Variants in NDFIP2 observed in about 807,000 individuals in gnomAD.
NDFIP2 encodes the protein NEDD4 family-interacting protein 2.
Under a neutral mutation model 36.0 loss-of-function variants are expected in NDFIP2, and 19 were observed. The ratio of observed to expected loss-of-function variants is 0.53; its 90% CI spans 0.37 to 0.77. The LOEUF (loss-of-function observed/expected upper bound fraction) is 0.77, where lower values mean the gene tolerates loss of function less well. NDFIP2 is among the 30% of genes least tolerant of loss of function. NDFIP2 has a pLI of 0.00. For synonymous variants in NDFIP2, 181 were observed against 167.7 expected, an observed-to-expected ratio of 1.08 and a Z score of -0.61; for missense variants, 446 against 435.8, an observed-to-expected ratio of 1.02 and a Z score of -0.21.
At chr13:79,501,818 GTTGAGGGAAGAATGAAACTTTCCA>G (rs1249949190) in intron 1 of NDFIP2, among the ~76,000 whole-genome samples, 1 of 152,074 alleles carries the variant, frequency 6.6e-6, no homozygotes, top group Non-Finnish European at 1.5e-5. Context: ...CTCTGAGTTT[GTTGAGGGAAGAATGAAACTTTCCA>G]TGAAGGAAGT....
At chr13:79,500,166 CAA>C (rs771690443) in intron 1 of NDFIP2, among the ~76,000 whole-genome samples, 41 of 75,984 alleles carry the variant, frequency 5.4e-4, no homozygotes, top group Non-Finnish European at 5.4e-4. Flanking sequence ...GATCCCCATG[CAA>C]AAAAAAAAAA....
In NDFIP2 at chr13:79,491,405, T is replaced by G. The variant is rs187723909; in HGVS notation, c.321+9881T>G. Among the ~76,000 whole-genome samples, 478 of 151,854 alleles carry G rather than the reference T, an allele frequency of 3.1e-3. 2 individuals carry two copies. The highest frequency in any genetic ancestry group is 4.7e-3 in the Non-Finnish European group (320 of 68,022). ...GCATTCTCTTCCAGCTTGAAATATA[T>G]TGCTTAGTCTTCCTCTGTCTCTCTC... is the stretch of plus-strand genomic sequence containing the variant. On this transcript the variant is annotated intron_variant, in intron 1 of 7. Coordinates refer to ENST00000218652, the MANE Select transcript of NDFIP2 (RefSeq NM_019080.3).
intron 6 of NDFIP2, among the ~76,000 whole-genome samples, chr13:79,548,860 A>AC (rs984718353): frequency 6.6e-6 from 1 of 152,034 alleles, no homozygotes; most frequent in African/African-American, 2.4e-5. Context: ...CCTAATGATC[A>AC]CAGTGCTTCT....
At chr13:79,484,006 ATTATTTAT>A (rs369259007) in intron 1 of NDFIP2, among the ~76,000 whole-genome samples, 1 of 151,844 alleles carries the variant, frequency 6.6e-6, no homozygotes, top group African/African-American at 2.4e-5. Context: ...TCGTTATTTT[ATTATTTAT>A]TTATTTATTT....
chr13:79,518,221 G>A lies in NDFIP2; in HGVS notation c.322-2589G>A, dbSNP rs989882204. Among the ~76,000 whole-genome samples the A allele has an allele frequency of 2.2e-4, 34 of 152,162 alleles. 2 individuals are homozygous for A. ...TTTAGTGCCTACTTGGAAAAGTGCT[G>A]CAAGAAATATAAACTTCATTAGGCT... On this transcript the variant is annotated intron_variant, in intron 1 of 7. Coordinates refer to ENST00000218652, the MANE Select transcript of NDFIP2 (RefSeq NM_019080.3).
chr13:79,500,211 T>G (rs1594843160), intron 1 of NDFIP2, among the ~76,000 whole-genome samples: 1 of 148,394 alleles, frequency 6.7e-6, no homozygotes, highest in African/African-American at 2.5e-5. Context: ...TTGTACACCC[T>G]CTACACAAAT....
In NDFIP2 at chr13:79,487,440, G is replaced by A. The variant is rs114723839; in HGVS notation, c.321+5916G>A. Among the ~76,000 whole-genome samples, 706 of 152,194 alleles carry A rather than the reference G, an allele frequency of 4.6e-3. 9 individuals carry two copies. Among genetic ancestry groups the A allele is most frequent in the African/African-American group, 0.016 (681 of 41,542 alleles). On this transcript the variant is annotated intron_variant, in intron 1 of 7. Coordinates refer to ENST00000218652, the MANE Select transcript of NDFIP2 (RefSeq NM_019080.3). ...ATTGCTGTTGATATTTGGGTTTTTA[G>A]TTTTCTTTTGCTGTTATGAGTAAAG... is the stretch of plus-strand genomic sequence containing the variant.
Position 79,533,250 on chromosome 13 carries a change from A to G in NDFIP2, c.488-73A>G, listed in dbSNP as rs1875087359. 2.1e-6 allele frequency: 3 copies of G among 1,458,686 alleles called. No individual in the cohort carries two copies. In the East Asian group the frequency reaches 7.1e-5, roughly 34 times the overall value. 90.4% of individuals were successfully genotyped at this position (1,458,686 alleles called of 1,614,324 possible). A position where few individuals can be genotyped will look rare whatever the true frequency, so the allele number is the denominator to read the frequency against. On this transcript the variant is annotated intron_variant, in intron 2 of 7. Transcript: ENST00000218652. ...GTCCTGTATTGGTGGCCAGTTGTAA[A>G]TTATTAAGTCATGGCTATGGCTACA...
intron 1 of NDFIP2, among the ~76,000 whole-genome samples, chr13:79,482,169 C>CTTTTTTTTTTTTTTTTTTTTTTTTT (rs10558361): frequency 1.4e-4 from 11 of 75,892 alleles, no homozygotes; most frequent in Non-Finnish European, 1.7e-4. Context: ...TTCTTTCTTT[C>CTTTTTTTTTTTTTTTTTTTTTTTTT]TTTTTTTTTT....
rs1260622010 is a variant in NDFIP2, at chr13:79,555,871, T to C, written c.*3358T>C. ...AGTGTGAACCTGTGATGCATCCTTTTCAAAATCAGTTTAAGATTCGCATAT... is the reference window on the plus strand; with the variant it reads ...AGTGTGAACCTGTGATGCATCCTTTCCAAAATCAGTTTAAGATTCGCATAT... On this transcript the variant is annotated 3_prime_UTR_variant, in exon 8 of 8. Coordinates refer to ENST00000218652, the MANE Select transcript of NDFIP2 (RefSeq NM_019080.3). 1.3e-5 allele frequency: 2 copies of C among 152,134 alleles called. No individual in the cohort carries two copies. The allele number at this position is 152,134 out of a possible 1,614,324, so 9.4% of individuals were successfully genotyped here. A position where few individuals can be genotyped will look rare whatever the true frequency, so the allele number is the denominator to read the frequency against.
At chr13:79,489,781 C>T (rs899179917) in intron 1 of NDFIP2, among the ~76,000 whole-genome samples, 22 of 152,052 alleles carry the variant, frequency 1.4e-4, no homozygotes, top group Admixed American at 2.6e-4. Flanking sequence ...AAGGGGATGG[C>T]CTAGAGTGGA....
rs1875578127 is a variant in NDFIP2, at chr13:79,544,399, T to C, written c.840+717T>C. On this transcript the variant is annotated intron_variant, in intron 5 of 7. Coordinates refer to ENST00000218652, the MANE Select transcript of NDFIP2 (RefSeq NM_019080.3). ...TTTCTAGTCTCCAGATAGTTTTCTGTAAAAATTGCATAGGCATTAGTGTTG... is the reference window on the plus strand; with the variant it reads ...TTTCTAGTCTCCAGATAGTTTTCTGCAAAAATTGCATAGGCATTAGTGTTG... 2.0e-5 allele frequency among the ~76,000 whole-genome samples: 3 copies of C among 152,144 alleles called. No homozygotes were observed. In the South Asian group the frequency reaches 6.2e-4, roughly 31 times the overall value.
chr13:79,555,818 C>T lies in NDFIP2; in HGVS notation c.*3305C>T, dbSNP rs1015757034. 1 of 152,000 alleles carries T rather than the reference C, an allele frequency of 6.6e-6. No homozygotes were observed. Among genetic ancestry groups the T allele is most frequent in the Non-Finnish European group, 1.5e-5 (1 of 67,974 alleles). 9.4% of individuals were successfully genotyped at this position (152,000 alleles called of 1,614,324 possible). On this transcript the variant is annotated 3_prime_UTR_variant, in exon 8 of 8. Coordinates refer to ENST00000218652, the MANE Select transcript of NDFIP2 (RefSeq NM_019080.3). ...ATAAAACATGCTGGCATGTATTTTA[C>T]TTGTTAATAAAGTTGTATAGATGTG...
rs920470533 is a variant in NDFIP2, at chr13:79,553,545, A to G, written c.*1032A>G. ...TTCAGTATCATTGTAATAATTTTTT[A>G]GAGTTTAATTTGTAAAGCTTAGCAA... On this transcript the variant is annotated 3_prime_UTR_variant, in exon 8 of 8. Transcript: ENST00000218652. 2.6e-4 allele frequency: 39 copies of G among 151,814 alleles called. No individual in the cohort carries two copies. Among genetic ancestry groups the G allele is most frequent in the African/African-American group, 9.4e-4 (39 of 41,556 alleles). The allele number at this position is 151,814 out of a possible 1,614,324, so 9.4% of individuals were successfully genotyped here.
chr13:79,516,247 T>C (rs1454563227), intron 1 of NDFIP2, among the ~76,000 whole-genome samples: 1 of 152,022 alleles, frequency 6.6e-6, no homozygotes, highest in East Asian at 1.9e-4. Context: ...AAAAAAGTTT[T>C]TGTTTTGTTT....
intron 1 of NDFIP2, among the ~76,000 whole-genome samples, chr13:79,487,381 C>T (rs889488209): frequency 2.6e-5 from 4 of 152,116 alleles, no homozygotes; most frequent in African/African-American, 9.7e-5. Flanking sequence ...TAGTTTTCAT[C>T]GTATAAATCG....
intron 4 of NDFIP2, among the ~76,000 whole-genome samples, chr13:79,541,380 G>A (rs1875449670): frequency 6.6e-6 from 1 of 151,066 alleles, no homozygotes; most frequent in South Asian, 2.1e-4. Flanking sequence ...TTAGCCAGTG[G>A]TAGTATATTA....
rs1268687847 is a variant in NDFIP2, at chr13:79,526,251, C to G, written c.487+5276C>G. On this transcript the variant is annotated intron_variant, in intron 2 of 7. Transcript: ENST00000218652. ...AAAGGAACAGGTTTGGAATGAAGAT[C>G]AAAATGTTATTTTTTGGCCATGTTG... Among the ~76,000 whole-genome samples, 14 of 152,216 alleles carry G rather than the reference C, an allele frequency of 9.2e-5. No homozygotes were observed. In the East Asian group the frequency reaches 2.3e-3, roughly 25 times the overall value.
intron 1 of NDFIP2, among the ~76,000 whole-genome samples, chr13:79,491,638 T>C (rs370226226): frequency 1.3e-5 from 2 of 152,250 alleles, no homozygotes; most frequent in African/African-American, 4.8e-5. Flanking sequence ...ATTGTATGTG[T>C]ATTCGCAATA....
Sources: allele counts gnomAD v4.1 joint callset (sites outside exome capture counted in the v4.1 genomes callset), GRCh38; gene constraint gnomAD v4.1.1; transcripts MANE v1.5; gene names NCBI Gene and HGNC (gene_info 2026-07-23, HGNC 2026-07-21).